The following CFAP69 variants were observed in gnomAD, a reference collection of about 807,000 sequenced individuals.
CFAP69 encodes cilia- and flagella-associated protein 69.
CFAP69 carries 92 observed loss-of-function variants against 123.0 expected under a neutral mutation model. That is an observed-to-expected ratio of 0.75 (90% CI 0.63 to 0.89). The LOEUF is 0.89. CFAP69 is among the 40% of genes least tolerant of loss of function. The pLI, the probability that CFAP69 is intolerant of heterozygous loss-of-function variation, is 0.00. For synonymous variants in CFAP69, 380 were observed against 364.3 expected (o/e 1.04, Z -0.49); for missense variants, 1,067 against 1,096.9 (o/e 0.97, Z 0.39).
intron 5 of CFAP69, among the ~76,000 whole-genome samples, chr7:90,265,772 C>T (rs574846571): frequency 6.6e-6 from 1 of 152,050 alleles, no homozygotes; most frequent in African/African-American, 2.4e-5. Context: ...ATTAAATGAT[C>T]TAAAATTTTA....
intron 10 of CFAP69, 39 bp from the exon 11 acceptor site, chr7:90,277,174 C>A (rs768265269): frequency 9.8e-5 from 155 of 1,576,532 alleles, no homozygotes; most frequent in Non-Finnish European, 1.2e-4. Context: ...AAGTCTTGTA[C>A]AACATTTAAG....
intron 12 of CFAP69, among the ~76,000 whole-genome samples, chr7:90,280,380 T>C (rs1789293687): frequency 6.6e-6 from 1 of 152,158 alleles, no homozygotes; most frequent in Admixed American, 6.5e-5. Flanking sequence ...GTATTTTATA[T>C]AGACAGGGTT....
chr7:90,277,174 C>T lies in CFAP69; in HGVS notation c.1034-39C>T, dbSNP rs768265269. 4.4e-6 allele frequency: 7 copies of T among 1,576,536 alleles called. No individual in the cohort carries two copies. The Middle Eastern group carries it at 1.0e-3, about 228-fold the overall frequency. On this transcript the variant is annotated intron_variant, in intron 10 of 22. Transcript: ENST00000389297. ...TATAATTATCTTGATAAGTCTTGTA[C>T]AACATTTAAGCTTTCATTTTACTTT...
At chr7:90,247,615 G>C (rs1433766291) in intron 1 of CFAP69, among the ~76,000 whole-genome samples, 1 of 152,080 alleles carries the variant, frequency 6.6e-6, no homozygotes, top group Non-Finnish European at 1.5e-5. Flanking sequence ...TGAGAGGCTG[G>C]GGAGGGCAGA....
At chr7:90,319,627 G>A in the CFAP69 span, 3 of 398,588 alleles carry the variant, frequency 7.5e-6, no homozygotes, top group East Asian at 1.1e-4. Flanking sequence ...AATGTCTTTG[G>A]TGATTCCTGG....
In CFAP69 at chr7:90,262,071, T is replaced by C; in HGVS notation, c.356+15T>C. 2 of 1,442,294 alleles carry C rather than the reference T, an allele frequency of 1.4e-6. No individual in the cohort carries two copies. The highest frequency in any genetic ancestry group is 1.9e-6 in the Non-Finnish European group (2 of 1,041,014). 89.3% of individuals were successfully genotyped at this position (1,442,294 alleles called of 1,614,324 possible). ...AAACTGTGTGGGTAAGTTATCTTTC[T>C]TTAACTTTATTTTGTAGTAACATGG... On this transcript the variant is annotated intron_variant, in intron 4 of 22. Coordinates refer to ENST00000389297, the MANE Select transcript of CFAP69 (RefSeq NM_001039706.3).
intron 19 of CFAP69, among the ~76,000 whole-genome samples, chr7:90,305,233 C>T (rs554667259): frequency 6.6e-4 from 100 of 150,670 alleles, no homozygotes; most frequent in African/African-American, 2.1e-3. Context: ...CCCAGCTACT[C>T]GGGAGGCTGA....
Position 90,245,200 on chromosome 7 carries a change from C to T in CFAP69, c.-225C>T. The T allele has an allele frequency of 4.3e-6, 2 of 466,988 alleles. No homozygotes were observed. Among genetic ancestry groups the T allele is most frequent in the Non-Finnish European group, 7.0e-6 (2 of 284,462 alleles). The allele number at this position is 466,988 out of a possible 1,614,324, so 28.9% of individuals were successfully genotyped here. ...GCAACGCGCTGGCTTGTGTTAACAA[C>T]CGGCCCGGGATCAGAGGTCTGGGTC... On this transcript the variant is annotated 5_prime_UTR_variant, in exon 1 of 23. Coordinates refer to ENST00000389297, the MANE Select transcript of CFAP69 (RefSeq NM_001039706.3).
chr7:90,265,395 T>C lies in CFAP69; in HGVS notation c.433+18T>C. 1 of 1,551,690 alleles carries C rather than the reference T, an allele frequency of 6.4e-7. No individual in the cohort carries two copies. Among genetic ancestry groups the C allele is most frequent in the Non-Finnish European group, 8.9e-7 (1 of 1,124,862 alleles). On this transcript the variant is annotated intron_variant, in intron 5 of 22. Coordinates refer to ENST00000389297, the MANE Select transcript of CFAP69 (RefSeq NM_001039706.3). The stretch of plus-strand genomic sequence containing the variant: ...ACTTCTGGGTAAGTTAAGATTTCCT[T>C]AAGGTATAGGGATGTAACATACGAC...
At chr7:90,250,187 GGAGAGAGAGAGAGAGAGAGAGAGA>G (rs10527106) in intron 1 of CFAP69, among the ~76,000 whole-genome samples, 8 of 125,728 alleles carry the variant, frequency 6.4e-5, no homozygotes, top group East Asian at 2.1e-4. Flanking sequence ...TTTAAAGAGA[GGAGAGAGAGAGAGAGAGAGAGAGA>G]GAGAGAGAGA....
At chr7:90,265,493 C>A in intron 5 of CFAP69, 116 bp downstream of exon 5, 1 of 646,212 alleles carries the variant, frequency 1.5e-6, no homozygotes, top group Non-Finnish European at 2.7e-6. Flanking sequence ...TGTCTAGGAT[C>A]TTCTCTTGTT....
At chr7:90,282,859 T>C (rs1789695865) in intron 12 of CFAP69, 33 bp from the exon 13 acceptor site, 1 of 1,418,470 alleles carries the variant, frequency 7.0e-7, no homozygotes, top group Non-Finnish European at 9.3e-7. Context: ...ATTTGAAATG[T>C]TTTTGTTTTA....
intron 9 of CFAP69, 131 bp downstream of exon 9, chr7:90,274,241 T>C: frequency 9.1e-7 from 1 of 1,095,364 alleles, no homozygotes; most frequent in South Asian, 1.7e-5. Flanking sequence ...ATCTTGATGG[T>C]CACCAGTGTG....
chr7:90,264,104 AATATATATATATAT>A (rs71104454), intron 4 of CFAP69, among the ~76,000 whole-genome samples: 829 of 48,602 alleles, frequency 0.017, 37 homozygotes, highest in African/African-American at 0.045. Flanking sequence ...AAAAAAAAAA[AATATATATATATAT>A]ATATATATAT....
intron 6 of CFAP69, among the ~76,000 whole-genome samples, chr7:90,270,957 A>C (rs1042249716): frequency 1.3e-5 from 2 of 152,018 alleles, no homozygotes; most frequent in Non-Finnish European, 2.9e-5. Context: ...TACATTTTTC[A>C]CCTCTTATTT....
In CFAP69 at chr7:90,277,235, A is replaced by G. The variant is rs138687528; in HGVS notation, c.1056A>G (p.Val352=). Reference sequence around the variant, plus strand: ...CAGTTAAAAGTCAAAATCTTTTGGTAAAAGGACTTAAGCTTTCTAATTCCT... The same window carrying G: ...CAGTTAAAAGTCAAAATCTTTTGGTGAAAGGACTTAAGCTTTCTAATTCCT... ...FNEVKSQNLL[V]KGLKLSNSYE... The change falls in exon 11 of 23, where the codon GTA becomes GTG. Residue 352 remains valine (V), a synonymous_variant. Transcript: ENST00000389297. The G allele has an allele frequency of 2.0e-5, 32 of 1,589,486 alleles. No individual in the cohort carries two copies. In the East Asian group the frequency reaches 6.3e-4, roughly 31 times the overall value.
chr7:90,262,118 T>C, intron 4 of CFAP69, 62 bp downstream of exon 4: 1 of 1,079,410 alleles, frequency 9.3e-7, no homozygotes, highest in Non-Finnish European at 1.4e-6. Flanking sequence ...ATGTTTCTTA[T>C]ATCACAAACA....
intron 5 of CFAP69, among the ~76,000 whole-genome samples, chr7:90,265,652 T>TA (rs1340099728): frequency 6.6e-6 from 1 of 152,210 alleles, no homozygotes; most frequent in African/African-American, 2.4e-5. Flanking sequence ...AATGAAGTGT[T>TA]TGTTAACTAT....
In CFAP69 at chr7:90,258,176, T is replaced by C; in HGVS notation, c.246+13T>C. The stretch of plus-strand genomic sequence containing the variant: ...TCAGAATGGACTTGTATCCTTTACA[T>C]ATATATGTATGTTCATTTCATTTAT... On this transcript the variant is annotated intron_variant, in intron 3 of 22. Transcript: ENST00000389297. 6.6e-7 allele frequency: 1 copy of C among 1,513,088 alleles called. No individual in the cohort carries two copies. 93.7% of individuals were successfully genotyped at this position (1,513,088 alleles called of 1,614,324 possible).
Sources: allele counts gnomAD v4.1 joint callset (sites outside exome capture counted in the v4.1 genomes callset), GRCh38; gene constraint gnomAD v4.1.1; transcripts MANE v1.5; gene names NCBI Gene and HGNC (gene_info 2026-07-23, HGNC 2026-07-21).